The following ZNF521 variants were observed in gnomAD, a reference collection of about 807,000 sequenced individuals.
ZNF521 encodes zinc finger protein 521.
In ZNF521, 14 loss-of-function variants were observed where a neutral mutation model predicts 105.5. That is an observed-to-expected ratio of 0.13 (90% CI 0.09 to 0.21). The LOEUF is 0.21. ZNF521 is among the 10% of genes least tolerant of loss of function. The pLI is 1.00. For missense variants in ZNF521, 1,233 were observed against 1,629.7 expected (o/e 0.76, Z 4.19); for synonymous variants, 635 against 606.0 (o/e 1.05, Z -0.70).
chr18:25,182,217 AGGAGGC>A (rs2035643548), intron 5 of ZNF521, among the ~76,000 whole-genome samples: 1 of 152,200 alleles, frequency 6.6e-6, no homozygotes, highest in African/African-American at 2.4e-5. Context: ...CGCAGCAAGC[AGGAGGC>A]AACCCCTGTG....
chr18:25,173,063 A>C (rs1439126045), intron 5 of ZNF521, among the ~76,000 whole-genome samples: 1 of 152,230 alleles, frequency 6.6e-6, no homozygotes, highest in Admixed American at 6.5e-5. Flanking sequence ...CTCCAAATTT[A>C]CCAGATTCAA....
At chr18:25,190,037 G>GT (rs1439452261) in intron 5 of ZNF521, among the ~76,000 whole-genome samples, 1 of 152,114 alleles carries the variant, frequency 6.6e-6, no homozygotes, top group Admixed American at 6.5e-5. Flanking sequence ...TAAAGAGAAA[G>GT]TATCCCTTTT....
chr18:25,173,450 G>A (rs1172242057), intron 5 of ZNF521, among the ~76,000 whole-genome samples: 9 of 152,100 alleles, frequency 5.9e-5, no homozygotes. Flanking sequence ...CATTCCCAAG[G>A]CTGCTTTCTG....
chr18:25,106,745 T>C (rs2034081582), intron 5 of ZNF521, among the ~76,000 whole-genome samples: 1 of 152,180 alleles, frequency 6.6e-6, no homozygotes. Flanking sequence ...TTAAAATATA[T>C]ATATTTTAAA....
chr18:25,249,912 A>C (rs1367874301), intron 3 of ZNF521, among the ~76,000 whole-genome samples: 2 of 152,222 alleles, frequency 1.3e-5, no homozygotes, highest in Non-Finnish European at 2.9e-5. Context: ...ACATAAATTT[A>C]ACTCTGCTAA....
rs1224563629 is a variant in ZNF521 at position 25,275,860 on chromosome 18, G to A, written c.220+46148C>T. Among the ~76,000 whole-genome samples the A allele has an allele frequency of 6.6e-5, 10 of 152,136 alleles. No individual in the cohort carries two copies. The East Asian group carries it at 9.7e-4, about 15-fold the overall frequency. On this transcript the variant is annotated intron_variant, in intron 3 of 7. Transcript: ENST00000361524. ...CCTTGACACATGAGCACCAGCATAC[G>A]CAGTGATCCATGAAGGCAGTGTGAG...
chr18:25,107,007 T>A (rs1205344740), intron 5 of ZNF521, among the ~76,000 whole-genome samples: 2 of 152,252 alleles, frequency 1.3e-5, no homozygotes, highest in Non-Finnish European at 2.9e-5. Flanking sequence ...ACAGGCATCA[T>A]CCCCAAAGCC....
At chr18:25,213,848 T>G (rs1464152445) in intron 4 of ZNF521, among the ~76,000 whole-genome samples, 1 of 152,166 alleles carries the variant, frequency 6.6e-6, no homozygotes, top group Non-Finnish European at 1.5e-5. Context: ...CCATTTTTGG[T>G]AACATATTAT....
At chr18:25,331,337 T>C (rs746136369) in intron 2 of ZNF521, among the ~76,000 whole-genome samples, 5 of 151,802 alleles carry the variant, frequency 3.3e-5, no homozygotes, top group African/African-American at 4.8e-5. Flanking sequence ...AAATCCACTC[T>C]GGAGGAAAAC....
intron 7 of ZNF521, among the ~76,000 whole-genome samples, chr18:25,070,776 T>G (rs2033200012): frequency 6.6e-6 from 1 of 152,046 alleles, no homozygotes; most frequent in Non-Finnish European, 1.5e-5. Context: ...GAAGCATCTC[T>G]CCCACCAGGG....
intron 3 of ZNF521, among the ~76,000 whole-genome samples, chr18:25,285,641 C>T (rs1910655030): frequency 1.3e-5 from 2 of 152,110 alleles, no homozygotes; most frequent in Admixed American, 6.5e-5. Context: ...GTACCTCTAT[C>T]CACCACCTAC....
At chr18:25,231,299 A>C (rs1480953373) in intron 3 of ZNF521, among the ~76,000 whole-genome samples, 1 of 152,200 alleles carries the variant, frequency 6.6e-6, no homozygotes, top group Non-Finnish European at 1.5e-5. Context: ...TAAAAGGACG[A>C]AACAACAGAT....
intron 7 of ZNF521, among the ~76,000 whole-genome samples, chr18:25,068,930 C>A (rs2033145148): frequency 1.3e-5 from 2 of 152,166 alleles, no homozygotes; most frequent in African/African-American, 2.4e-5. Context: ...TATTAGAGTA[C>A]AAAATAAAAC....
At chr18:25,320,203 G>A (rs568008272) in intron 3 of ZNF521, among the ~76,000 whole-genome samples, 16 of 152,078 alleles carry the variant, frequency 1.1e-4, no homozygotes, top group African/African-American at 3.4e-4. Context: ...ACAGAGTTTC[G>A]TTCTTGTTGC....
intron 3 of ZNF521, among the ~76,000 whole-genome samples, chr18:25,308,431 A>C (rs1912102193): frequency 6.6e-6 from 1 of 152,168 alleles, no homozygotes; most frequent in Non-Finnish European, 1.5e-5. Context: ...TAACTAATAC[A>C]TTCTTATTCT....
chr18:25,112,251 T>C (rs1424847121), intron 5 of ZNF521, among the ~76,000 whole-genome samples: 1 of 152,218 alleles, frequency 6.6e-6, no homozygotes, highest in Non-Finnish European at 1.5e-5. Flanking sequence ...TCTCAGCTCA[T>C]GTATGAGGCA....
At chr18:25,249,147 C>CT (rs747508227) in intron 3 of ZNF521, among the ~76,000 whole-genome samples, 416 of 144,018 alleles carry the variant, frequency 2.9e-3, no homozygotes, top group African/African-American at 4.7e-3. Flanking sequence ...TCTTTACTTT[C>CT]TTTTTTTTTT....
intron 3 of ZNF521, among the ~76,000 whole-genome samples, chr18:25,282,800 G>A (rs945545665): frequency 6.6e-6 from 1 of 151,756 alleles, no homozygotes; most frequent in Non-Finnish European, 1.5e-5. Flanking sequence ...CTGCAAATAA[G>A]AAAAACAAAA....
rs181496881 is a variant in ZNF521 at position 25,341,129 on chromosome 18, A to G, written c.40+9778T>C. Among the ~76,000 whole-genome samples, 6 of 152,298 alleles carry G rather than the reference A, an allele frequency of 3.9e-5. No individual in the cohort carries two copies. The East Asian group carries it at 1.2e-3, about 29-fold the overall frequency. ...CAAGACACCCAATATCATTATCCTT[A>G]AATTGTCTCACTTAAGATCCATGAT... On this transcript the variant is annotated intron_variant, in intron 2 of 7. Transcript: ENST00000361524.
Sources: allele counts gnomAD v4.1 joint callset (sites outside exome capture counted in the v4.1 genomes callset), GRCh38; gene constraint gnomAD v4.1.1; transcripts MANE v1.5; gene names NCBI Gene and HGNC (gene_info 2026-07-23, HGNC 2026-07-21).